ANLN: variants seen among roughly 807,000 people sequenced by gnomAD.
The protein encoded by ANLN is anillin, actin binding protein.
In ANLN, 59 loss-of-function variants were observed where a neutral mutation model predicts 135.1. The ratio of observed to expected loss-of-function variants is 0.44; its 90% CI spans 0.35 to 0.54. The LOEUF (loss-of-function observed/expected upper bound fraction) is 0.54, where lower values mean the gene tolerates loss of function less well. ANLN is among the 20% of genes least tolerant of loss of function. ANLN has a pLI of 0.00. For synonymous variants in ANLN, 406 were observed against 456.4 expected, an observed-to-expected ratio of 0.89 and a Z score of 1.41; for missense variants, 1,182 against 1,340.0, an observed-to-expected ratio of 0.88 and a Z score of 1.84.
At position 36,420,163 on chromosome 7, in the gene ANLN, C is replaced by G; in HGVS notation, c.1870-6C>G. 6.2e-7 allele frequency: 1 copy of G among 1,611,186 alleles called. No individual in the cohort carries two copies. ...CAATGTTAATATCTGATGCGTTTTCCCACAGAGTTTAGTGTCCACACCTAG... is the reference window on the plus strand; with the variant it reads ...CAATGTTAATATCTGATGCGTTTTCGCACAGAGTTTAGTGTCCACACCTAG... On this transcript the variant is annotated splice_polypyrimidine_tract_variant and splice_region_variant and intron_variant, in intron 10 of 23. Coordinates refer to ENST00000265748, the MANE Select transcript of ANLN (RefSeq NM_018685.5).
intron 13 of ANLN, 73 bp from the exon 14 acceptor site, chr7:36,422,560 C>A: frequency 7.5e-7 from 1 of 1,333,310 alleles, no homozygotes; most frequent in Non-Finnish European, 1.0e-6. Context: ...CATATCAGTA[C>A]ACTTTTTTGA....
chr7:36,410,644 A>G lies in ANLN; in HGVS notation c.1227A>G (p.Glu409=). The change falls in exon 6 of 24, where the codon GAA becomes GAG. Residue 409 remains glutamate, a synonymous_variant. Coordinates refer to ENST00000265748, the MANE Select transcript of ANLN (RefSeq NM_018685.5). ...IITPNTKAIQ[E]RLFKQDTSSS... ...CTCCAAATACAAAGGCCATCCAAGA[A>G]AGATTATTCAAGCAAGACACATCTT... 1 of 1,614,100 alleles carries G rather than the reference A, an allele frequency of 6.2e-7. No homozygotes were observed. Among genetic ancestry groups the G allele is most frequent in the Non-Finnish European group, 8.5e-7 (1 of 1,180,002 alleles).
intron 22 of ANLN, among the ~76,000 whole-genome samples, chr7:36,447,355 G>C (rs1789048077): frequency 6.6e-6 from 1 of 151,342 alleles, no homozygotes; most frequent in Non-Finnish European, 1.5e-5. Flanking sequence ...TGCACTTTGG[G>C]GACCTTATTA....
intron 21 of ANLN, among the ~76,000 whole-genome samples, chr7:36,440,473 GCTTGGAAACT>G (rs1042289794): frequency 6.6e-6 from 1 of 152,188 alleles, no homozygotes; most frequent in African/African-American, 2.4e-5. Flanking sequence ...GAGCACAGGA[GCTTGGAAACT>G]CTTGGAAACA....
At chr7:36,417,614 A>G (rs1009881563) in intron 9 of ANLN, among the ~76,000 whole-genome samples, 3 of 151,774 alleles carry the variant, frequency 2.0e-5, no homozygotes, top group East Asian at 1.9e-4. Flanking sequence ...TCAGTCCCCA[A>G]GACTGCCTCC....
intron 7 of ANLN, among the ~76,000 whole-genome samples, chr7:36,413,836 C>CA (rs3837110): frequency 2.4e-4 from 37 of 151,602 alleles, no homozygotes; most frequent in South Asian, 1.0e-3. Flanking sequence ...ACTAAAAATA[C>CA]AAAAAAAATT....
At chr7:36,422,097 A>T in intron 13 of ANLN, 105 bp downstream of exon 13, 1 of 1,304,986 alleles carries the variant, frequency 7.7e-7, no homozygotes, top group South Asian at 1.6e-5. Flanking sequence ...TTTCCTAGTC[A>T]TCTGTTCCAG....
chr7:36,413,910 C>T (rs1411854083), intron 7 of ANLN, among the ~76,000 whole-genome samples: 1 of 151,954 alleles, frequency 6.6e-6, no homozygotes, highest in Non-Finnish European at 1.5e-5. Context: ...GGGAGAATCT[C>T]TTGAACCTGG....
At chr7:36,404,071 A>T (rs886517947) in intron 3 of ANLN, among the ~76,000 whole-genome samples, 1 of 152,104 alleles carries the variant, frequency 6.6e-6, no homozygotes, top group South Asian at 2.1e-4. Context: ...CCTGGGTTCA[A>T]GCTATTCCCC....
intron 20 of ANLN, among the ~76,000 whole-genome samples, chr7:36,436,587 G>A (rs971293780): frequency 6.6e-6 from 1 of 151,992 alleles, no homozygotes. Context: ...CATTAATGTG[G>A]GTTCCCATTT....
intron 5 of ANLN, among the ~76,000 whole-genome samples, chr7:36,409,653 TTTTTG>T (rs1200128182): frequency 2.6e-5 from 4 of 151,978 alleles, no homozygotes; most frequent in African/African-American, 7.2e-5. Flanking sequence ...GCTGTGGGGT[TTTTTG>T]TTTTGTTTTG....
At chr7:36,390,271 T>A (rs1300587494) in intron 1 of ANLN, 1 of 654,548 alleles carries the variant, frequency 1.5e-6, no homozygotes, top group African/African-American at 1.8e-5. Context: ...GGAGGAAGGC[T>A]TTGAGTCTGT....
chr7:36,394,981 A>G (rs1443663265), intron 1 of ANLN, among the ~76,000 whole-genome samples: 10 of 152,228 alleles, frequency 6.6e-5, no homozygotes, highest in Non-Finnish European at 1.3e-4. Context: ...CCATTTTATT[A>G]TATGTTAATA....
At position 36,452,483 on chromosome 7, in the gene ANLN, G is replaced by T. The variant is rs1789286486; in HGVS notation, c.3258G>T (p.Trp1086Cys). The T allele has an allele frequency of 1.9e-6, 3 of 1,613,798 alleles. No homozygotes were observed. Among genetic ancestry groups the T allele is most frequent in the Non-Finnish European group, 2.5e-6 (3 of 1,179,840 alleles). ...CRDTLCVTKN[W>C]LSADTKEERD... is the part of the protein sequence containing the mutation. ...TGGTTGTTTGTTCCTGTAGGAACTG[G>T]CTGTCTGCAGATACTAAAGAAGAGC... is the stretch of plus-strand genomic sequence containing the variant. The change falls in exon 24 of 24, where the codon TGG becomes TGT. Residue 1086 changes from tryptophan (W) to cysteine (C), a missense_variant. Around this residue, in one of 3 missense-constraint regions of ANLN, gnomAD observed 78 missense variants for 72.7 expected, o/e 1.07. Transcript: ENST00000265748.
At position 36,389,901 on chromosome 7, in the gene ANLN, T is replaced by C; in HGVS notation, c.-126T>C. 1 of 1,556,214 alleles carries C rather than the reference T, an allele frequency of 6.4e-7. No individual in the cohort carries two copies. Among genetic ancestry groups the C allele is most frequent in the Non-Finnish European group, 8.8e-7 (1 of 1,132,796 alleles). On this transcript the variant is annotated 5_prime_UTR_variant, in exon 1 of 24. Transcript: ENST00000265748. ...AAGCCGAGAGGAGAGGACAGCTGGTTGTGGGAGAGTTCCCCCGCCTCAGAC... is the reference window on the plus strand; with the variant it reads ...AAGCCGAGAGGAGAGGACAGCTGGTCGTGGGAGAGTTCCCCCGCCTCAGAC...
chr7:36,451,499 C>G (rs2116843319), intron 23 of ANLN, among the ~76,000 whole-genome samples: 1 of 152,292 alleles, frequency 6.6e-6, no homozygotes, highest in African/African-American at 2.4e-5. Context: ...AAAATAACCT[C>G]CACAGTGACT....
At chr7:36,398,983 G>C in intron 2 of ANLN, 96 bp from the exon 3 acceptor site, 1 of 898,032 alleles carries the variant, frequency 1.1e-6, no homozygotes, top group Non-Finnish European at 1.7e-6. Flanking sequence ...GAATAGGGAG[G>C]GGTGATGTTT....
At chr7:36,414,075 A>G (rs1787540939) in intron 7 of ANLN, among the ~76,000 whole-genome samples, 1 of 152,176 alleles carries the variant, frequency 6.6e-6, no homozygotes, top group East Asian at 1.9e-4. Context: ...TACGTTTCAA[A>G]TGTGGGTTAA....
intron 8 of ANLN, 86 bp from the exon 9 acceptor site, chr7:36,416,994 G>GA (rs3837109): frequency 0.054 from 29,220 of 541,850 alleles, 1 homozygote; most frequent in East Asian, 0.074. Context: ...TTTATAATCA[G>GA]AAAAAAAAAA....
Sources: gnomAD v4.1 joint callset for allele counts (sites outside exome capture counted in the v4.1 genomes callset) on GRCh38, gnomAD v4.1.1 for gene constraint, gnomAD v4.1.1 regional missense constraint, MANE v1.5 for transcripts, NCBI Gene and HGNC (gene_info 2026-07-23, HGNC 2026-07-21) for gene names.